Variants in PITPNM2 observed in about 807,000 individuals in gnomAD.
PITPNM2 encodes the protein phosphatidylinositol transfer protein membrane associated 2, also known as membrane-associated phosphatidylinositol transfer protein 2.
PITPNM2 carries 35 observed loss-of-function variants against 132.2 expected under a neutral mutation model. The observed-to-expected ratio is 0.26, with a 90% confidence interval of 0.20 to 0.35. The LOEUF (loss-of-function observed/expected upper bound fraction) is 0.35, where lower values mean the gene tolerates loss of function less well. Among genes scored for constraint, PITPNM2 ranks in the 10% least tolerant of loss-of-function variants. The pLI is 1.00. For synonymous variants in PITPNM2, 738 were observed against 799.2 expected (o/e 0.92, Z 1.29); for missense variants, 1,332 against 1,912.0 (o/e 0.70, Z 5.66).
intron 5 of PITPNM2, among the ~76,000 whole-genome samples, chr12:123,011,971 C>T (rs761440851): frequency 3.3e-5 from 5 of 152,320 alleles, no homozygotes; most frequent in Middle Eastern, 3.4e-3. Flanking sequence ...GGACACCCAC[C>T]CCCAACCCGC....
chr12:123,022,000 C>A (rs2039687776), intron 3 of PITPNM2, among the ~76,000 whole-genome samples: 1 of 152,176 alleles, frequency 6.6e-6, no homozygotes, highest in African/African-American at 2.4e-5. Flanking sequence ...TGGCTTTATC[C>A]CAGCAAGGAG....
intron 3 of PITPNM2, among the ~76,000 whole-genome samples, chr12:123,016,268 G>A (rs2039420950): frequency 6.6e-6 from 1 of 151,686 alleles, no homozygotes; most frequent in Non-Finnish European, 1.5e-5. Context: ...AGAGGTTGCA[G>A]TGAGCCAAGA....
intron 2 of PITPNM2, among the ~76,000 whole-genome samples, chr12:123,061,191 T>C (rs1398536613): frequency 6.6e-6 from 1 of 152,198 alleles, no homozygotes; most frequent in African/African-American, 2.4e-5. Flanking sequence ...GTTGACTTCT[T>C]TACACTCACG....
At chr12:123,025,519 T>C (rs2136363691) in intron 3 of PITPNM2, among the ~76,000 whole-genome samples, 1 of 151,722 alleles carries the variant, frequency 6.6e-6, no homozygotes, top group East Asian at 1.9e-4. Context: ...CCGCATCCTC[T>C]GCCTCCCGGG....
intron 2 of PITPNM2, among the ~76,000 whole-genome samples, chr12:123,085,131 T>C (rs1185490924): frequency 6.6e-6 from 1 of 152,200 alleles, no homozygotes; most frequent in Non-Finnish European, 1.5e-5. Flanking sequence ...GAGTGCTACA[T>C]GTGGAACTGA....
At chr12:123,032,502 A>G (rs1208650509) in intron 3 of PITPNM2, among the ~76,000 whole-genome samples, 1 of 152,058 alleles carries the variant, frequency 6.6e-6, no homozygotes, top group African/African-American at 2.4e-5. Flanking sequence ...ACAAACAAAC[A>G]AACAAAAACC....
chr12:123,024,954 C>G (rs1461155985), intron 3 of PITPNM2, among the ~76,000 whole-genome samples: 2 of 152,142 alleles, frequency 1.3e-5, no homozygotes, highest in African/African-American at 2.4e-5. Context: ...CCAATCCTGC[C>G]TTTTGTACTA....
chr12:123,144,457 G>C (rs991513958), intron 1 of PITPNM2, among the ~76,000 whole-genome samples: 11 of 152,150 alleles, frequency 7.2e-5, no homozygotes, highest in African/African-American at 2.7e-4. Flanking sequence ...TTTTGAGACA[G>C]AGTCTCACTC....
chr12:123,064,573 C>A lies in PITPNM2; in HGVS notation c.-95-29888G>T, dbSNP rs1406542959. Among the ~76,000 whole-genome samples, 1 of 152,160 alleles carries A rather than the reference C, an allele frequency of 6.6e-6. No homozygotes were observed. Among genetic ancestry groups the A allele is most frequent in the Non-Finnish European group, 1.5e-5 (1 of 68,036 alleles). On this transcript the variant is annotated intron_variant, in intron 2 of 25. Coordinates refer to ENST00000320201, the MANE Select transcript of PITPNM2 (RefSeq NM_020845.3). The surrounding 1 kb of genome is among the most constrained non-coding windows in gnomAD (Gnocchi z 4.0). ...CCTGGGGCTATTTCGGGAAGCTCTG[C>A]GCACAGCCCGCCACTTCCCTGCCAG... is the stretch of plus-strand genomic sequence containing the variant.
At chr12:123,051,600 T>C (rs1464552423) in intron 2 of PITPNM2, among the ~76,000 whole-genome samples, 1 of 152,252 alleles carries the variant, frequency 6.6e-6, no homozygotes, top group East Asian at 1.9e-4. Flanking sequence ...TATGCTTAAA[T>C]ATTGCAGCAT....
At position 123,086,611 on chromosome 12, in the gene PITPNM2, G is replaced by A. The variant is rs74474372; in HGVS notation, c.-96+23774C>T. On this transcript the variant is annotated intron_variant, in intron 2 of 25. Coordinates refer to ENST00000320201, the MANE Select transcript of PITPNM2 (RefSeq NM_020845.3). ...GTGAATTAACTGATTGAATCTTTTT[G>A]TCCCCATGTTGCATATGAGGAAACT... Among the ~76,000 whole-genome samples the A allele has an allele frequency of 9.9e-3, 1,504 of 152,288 alleles. 19 individuals are homozygous for A. The highest frequency in any genetic ancestry group is 0.034 in the African/African-American group (1,420 of 41,556).
At chr12:123,072,637 C>G (rs1045365974) in intron 2 of PITPNM2, among the ~76,000 whole-genome samples, 2 of 152,200 alleles carry the variant, frequency 1.3e-5, no homozygotes, top group Non-Finnish European at 2.9e-5. Context: ...AGCTGGGACC[C>G]CAGACTCTCA....
rs748312803 is a variant in PITPNM2, at chr12:123,005,401, C to A, written c.791G>T (p.Gly264Val). The A allele has an allele frequency of 2.0e-5, 33 of 1,614,058 alleles. No individual in the cohort carries two copies. The East Asian group carries it at 7.4e-4, about 36-fold the overall frequency. Residue 264 changes from glycine to valine, a missense_variant, in exon 7 of 26, where the codon GGT (glycine) becomes GTT (valine). Transcript: ENST00000320201. The surrounding 1 kb of genome is among the most constrained non-coding windows in gnomAD (Gnocchi z 6.2). Reference protein sequence around the residue: ...SRKMAQFNEDGEEATELVKHE... With the variant: ...SRKMAQFNEDVEEATELVKHE... ...CTTGACGAGCTCAGTGGCCTCCTCACCATCCTCATTGAACTGGGCCATCTT... is the reference window on the plus strand; with the variant it reads ...CTTGACGAGCTCAGTGGCCTCCTCAACATCCTCATTGAACTGGGCCATCTT...
chr12:123,018,130 C>A (rs2039516047), intron 3 of PITPNM2, among the ~76,000 whole-genome samples: 2 of 150,774 alleles, frequency 1.3e-5, no homozygotes, highest in Admixed American at 1.3e-4. Flanking sequence ...AGGGCACTGG[C>A]ATGATCACAG....
At chr12:123,141,892 G>A (rs563354887) in intron 1 of PITPNM2, among the ~76,000 whole-genome samples, 10 of 152,274 alleles carry the variant, frequency 6.6e-5, no homozygotes, top group South Asian at 4.2e-4. Context: ...CCTTGGACTC[G>A]GTTTTTTCCA....
intron 8 of PITPNM2, among the ~76,000 whole-genome samples, chr12:123,002,643 C>G (rs2038747793): frequency 6.6e-6 from 1 of 152,180 alleles, no homozygotes; most frequent in Non-Finnish European, 1.5e-5. Context: ...GTCTTGAGCT[C>G]CTGGGCTTAA....
chr12:123,042,439 C>A (rs375428258), intron 2 of PITPNM2, among the ~76,000 whole-genome samples: 2 of 152,132 alleles, frequency 1.3e-5, no homozygotes, highest in East Asian at 3.8e-4. Flanking sequence ...CCATGATTAG[C>A]AGGGGTCTGA....
chr12:123,094,930 C>G (rs2042367672), intron 2 of PITPNM2, among the ~76,000 whole-genome samples: 1 of 152,202 alleles, frequency 6.6e-6, no homozygotes, highest in Admixed American at 6.5e-5. Flanking sequence ...ATCAGTACAC[C>G]CTCGCAGAAC....
chr12:123,090,266 C>T (rs2042221689), intron 2 of PITPNM2: 1 of 152,250 alleles, frequency 6.6e-6, no homozygotes, highest in Admixed American at 6.5e-5. Flanking sequence ...GTCTCACTTC[C>T]TCACCACATT....
Sources: gnomAD v4.1 joint callset for allele counts (sites outside exome capture counted in the v4.1 genomes callset) on GRCh38, gnomAD v4.1.1 for gene constraint, Gnocchi (gnomAD v3.1) non-coding constraint, MANE v1.5 for transcripts, NCBI Gene and HGNC (gene_info 2026-07-23, HGNC 2026-07-21) for gene names.